DMRT2: variants seen among roughly 807,000 people sequenced by gnomAD.
DMRT2 encodes doublesex and mab-3 related transcription factor 2.
DMRT2 carries 33 observed loss-of-function variants against 43.5 expected under a neutral mutation model. That is an observed-to-expected ratio of 0.76 (90% CI 0.58 to 1.01). The LOEUF (loss-of-function observed/expected upper bound fraction) is 1.01. Among genes scored for constraint, DMRT2 ranks in the 50% least tolerant of loss-of-function variants. DMRT2 has a pLI of 0.00. For synonymous variants in DMRT2, 395 were observed against 309.2 expected, an observed-to-expected ratio of 1.28 and a Z score of -2.91; for missense variants, 1,064 against 748.0, an observed-to-expected ratio of 1.42 and a Z score of -4.93.
chr9:1,050,632 G>T lies in DMRT2; in HGVS notation c.-188G>T. On this transcript the variant is annotated 5_prime_UTR_variant, in exon 1 of 4. Transcript: ENST00000358146. ...CTCCACCATCCAGTGGGTTCGTTCCGGGCCTCCAGCTATCAGCTCCCGATC... is the reference window on the plus strand; with the variant it reads ...CTCCACCATCCAGTGGGTTCGTTCCTGGCCTCCAGCTATCAGCTCCCGATC... 6.6e-6 allele frequency: 1 copy of T among 152,576 alleles called. No homozygotes were observed. Among genetic ancestry groups the T allele is most frequent in the Non-Finnish European group, 1.5e-5 (1 of 68,170 alleles). 9.5% of individuals were successfully genotyped at this position (152,576 alleles called of 1,614,324 possible).
At chr9:1,055,852 CAT>C in intron 3 of DMRT2, 3 of 1,515,538 alleles carry the variant, frequency 2.0e-6, no homozygotes, top group Non-Finnish European at 2.6e-6. Flanking sequence ...AATAATAAAA[CAT>C]TGATTGATAC....
Position 1,057,252 on chromosome 9 carries a change from C to A in DMRT2, c.1665C>A (p.Ala555=). ...VESILKRPSS[A]ITRVSQ ...CTATTCTTAAGAGGCCTTCATCTGC[C>A]ATCACTCGTGTCTCTCAGTGAAAGG... Residue 555 remains alanine, a synonymous_variant, in exon 4 of 4, where the codon GCC becomes GCA. Coordinates refer to ENST00000358146, the MANE Select transcript of DMRT2 (RefSeq NM_181872.6). 1.2e-6 allele frequency: 2 copies of A among 1,611,668 alleles called. No homozygotes were observed. The highest frequency in any genetic ancestry group is 1.7e-6 in the Non-Finnish European group (2 of 1,178,960).
chr9:1,055,593 A>G, intron 3 of DMRT2: 2 of 828,942 alleles, frequency 2.4e-6, no homozygotes, highest in Non-Finnish European at 3.3e-6. Context: ...TAAATTGTTC[A>G]CTGTAGAGTG....
At chr9:1,055,533 T>G (rs1509202) in intron 3 of DMRT2, among the ~76,000 whole-genome samples, 23,774 of 139,610 alleles carry the variant, frequency 0.17, 1,909 homozygotes, top group Non-Finnish European at 0.18. Flanking sequence ...GAGTTTTGTT[T>G]TATTTTATTT....
In DMRT2 at chr9:1,053,668, T is replaced by A. The variant is rs1399144427; in HGVS notation, c.526-54T>A. The A allele has an allele frequency of 4.2e-5, 63 of 1,489,140 alleles. 1 individual carries two copies. Among genetic ancestry groups the A allele is most frequent in the Non-Finnish European group, 5.6e-5 (60 of 1,079,944 alleles). 92.2% of individuals were successfully genotyped at this position (1,489,140 alleles called of 1,614,324 possible). A position where few individuals can be genotyped will look rare whatever the true frequency, so the allele number is the denominator to read the frequency against. On this transcript the variant is annotated intron_variant, in intron 2 of 3. Coordinates refer to ENST00000358146, the MANE Select transcript of DMRT2 (RefSeq NM_181872.6). ...TTACGGACATCCCGTCCTTCCCCCT[T>A]CTCGCCCCCATTTTCTTTCAGGGCA...
Position 1,056,686 on chromosome 9 carries a change from G to A in DMRT2, c.1099G>A (p.Val367Ile). The A allele has an allele frequency of 1.2e-6, 2 of 1,614,162 alleles. No individual in the cohort carries two copies. Among genetic ancestry groups the A allele is most frequent in the South Asian group, 2.2e-5 (2 of 91,078 alleles). Reference sequence around the variant, plus strand: ...ATGCCTGCTAAATGCCACCACCTCAGTTCAAGCCCTGAAGCCTGGGGCCAG... The same window carrying A: ...ATGCCTGCTAAATGCCACCACCTCAATTCAAGCCCTGAAGCCTGGGGCCAG... ...QQCLLNATTSVQALKPGASWD... is the reference protein window; with the variant it reads ...QQCLLNATTSIQALKPGASWD... Residue 367 changes from valine to isoleucine, a missense_variant, in exon 4 of 4, where the codon GTT (valine) becomes ATT (isoleucine). Coordinates refer to ENST00000358146, the MANE Select transcript of DMRT2 (RefSeq NM_181872.6).
chr9:1,052,477 G>A (rs575272141), intron 2 of DMRT2, among the ~76,000 whole-genome samples: 1 of 151,954 alleles, frequency 6.6e-6, no homozygotes, highest in East Asian at 1.9e-4. Flanking sequence ...CGGGGGCTTG[G>A]GGGGAGAGTG....
chr9:1,052,886 C>T (rs1004813504), intron 2 of DMRT2: 1 of 152,316 alleles, frequency 6.6e-6, no homozygotes, highest in African/African-American at 2.4e-5. Context: ...CTCCCAGACT[C>T]AGGACCAGGG....
rs931888410 is a variant in DMRT2 at position 1,057,335 on chromosome 9, C to G, written c.*62C>G. Reference sequence around the variant, plus strand: ...CTTAGAGCATTATAGCCATTTGCTACTTTTTTTAAAAGTTAAGATGTTTGT... The same window carrying G: ...CTTAGAGCATTATAGCCATTTGCTAGTTTTTTTAAAAGTTAAGATGTTTGT... On this transcript the variant is annotated 3_prime_UTR_variant, in exon 4 of 4. Coordinates refer to ENST00000358146, the MANE Select transcript of DMRT2 (RefSeq NM_181872.6). 1.4e-6 allele frequency: 2 copies of G among 1,479,478 alleles called. No homozygotes were observed. The highest frequency in any genetic ancestry group is 9.0e-7 in the Non-Finnish European group (1 of 1,112,936). 91.6% of individuals were successfully genotyped at this position (1,479,478 alleles called of 1,614,324 possible). A position where few individuals can be genotyped will look rare whatever the true frequency, so the allele number is the denominator to read the frequency against.
intron 3 of DMRT2, chr9:1,054,480 G>T (rs1821834679): frequency 6.7e-6 from 1 of 149,638 alleles, no homozygotes; most frequent in South Asian, 2.1e-4. Flanking sequence ...TTTTTTGACA[G>T]TCAAGGTTAT....
At position 1,057,037 on chromosome 9, in the gene DMRT2, G is replaced by A. The variant is rs755113123; in HGVS notation, c.1450G>A (p.Gly484Ser). 1 of 1,614,130 alleles carries A rather than the reference G, an allele frequency of 6.2e-7. No homozygotes were observed. Among genetic ancestry groups the A allele is most frequent in the Non-Finnish European group, 8.5e-7 (1 of 1,180,030 alleles). Residue 484 changes from glycine to serine, a missense_variant, in exon 4 of 4, where the codon GGT becomes AGT. Physicochemically the swap from Gly to Ser is moderately conservative, Grantham distance 56 (BLOSUM62 0). Transcript: ENST00000358146. ...LFQQTLTDKS[G>S]PELKTPFVKE... ...CCAGCAAACACTTACTGACAAATCG[G>A]GTCCTGAGTTGAAAACACCATTTGT...
At position 1,056,328 on chromosome 9, in the gene DMRT2, C is replaced by T. The variant is rs759993378; in HGVS notation, c.741C>T (p.Asn247=). The T allele has an allele frequency of 2.6e-5, 42 of 1,614,054 alleles. No individual in the cohort carries two copies. The Admixed American group carries it at 3.2e-4, about 12-fold the overall frequency. The change falls in exon 4 of 4, where the codon AAC becomes AAT. Residue 247 remains asparagine (N), a synonymous_variant. Coordinates refer to ENST00000358146, the MANE Select transcript of DMRT2 (RefSeq NM_181872.6). ...CCTTTGCTGATAAAGAGTTGGAGAA[C>T]ATTATGCTGGAGAGAGAATATAAAG... ...RRAFADKELE[N]IMLEREYKER... is the part of the protein sequence containing the mutation.
chr9:1,057,373 C>G lies in DMRT2; in HGVS notation c.*100C>G. 4 of 1,363,164 alleles carry G rather than the reference C, an allele frequency of 2.9e-6. No homozygotes were observed. The highest frequency in any genetic ancestry group is 1.6e-5 in the South Asian group (1 of 63,132). The allele number at this position is 1,363,164 out of a possible 1,614,324, so 84.4% of individuals were successfully genotyped here. A position where few individuals can be genotyped will look rare whatever the true frequency, so the allele number is the denominator to read the frequency against. Reference sequence around the variant, plus strand: ...TTAAGATGTTTGTGTAAAGAAATTTCTAATGTAAAGATGATGATTTTGAAA... The same window carrying G: ...TTAAGATGTTTGTGTAAAGAAATTTGTAATGTAAAGATGATGATTTTGAAA... On this transcript the variant is annotated 3_prime_UTR_variant, in exon 4 of 4. Transcript: ENST00000358146.
chr9:1,051,555 T>A lies in DMRT2; in HGVS notation c.-44-15T>A. 1 of 1,449,902 alleles carries A rather than the reference T, an allele frequency of 6.9e-7. No homozygotes were observed. Among genetic ancestry groups the A allele is most frequent in the Non-Finnish European group, 9.0e-7 (1 of 1,111,744 alleles). The allele number at this position is 1,449,902 out of a possible 1,614,324, so 89.8% of individuals were successfully genotyped here. A position where few individuals can be genotyped will look rare whatever the true frequency, so the allele number is the denominator to read the frequency against. On this transcript the variant is annotated splice_polypyrimidine_tract_variant and intron_variant, in intron 1 of 3. Transcript: ENST00000358146. The surrounding 1 kb of genome is among the most constrained non-coding windows in gnomAD (Gnocchi z 5.9). ...GGCGGCCGGTGGGTCTTTGGATTTC[T>A]TTGTGTTTCCCCAGAGTGAGGGCCG...
chr9:1,052,256 T>A, intron 2 of DMRT2, 118 bp downstream of exon 2: 1 of 741,314 alleles, frequency 1.3e-6, no homozygotes, highest in Non-Finnish European at 1.9e-6. Context: ...TGGCACTCCC[T>A]AGGAAGGATG....
intron 3 of DMRT2, among the ~76,000 whole-genome samples, chr9:1,055,514 G>A (rs1474380615): frequency 1.3e-5 from 2 of 151,462 alleles, no homozygotes; most frequent in Non-Finnish European, 2.9e-5. Context: ...AATACTCCCC[G>A]CCTTTTTTGA....
Position 1,057,296 on chromosome 9 carries a change from G to A in DMRT2, c.*23G>A. ...TGAAAGGCTGCTTAAACAGAAAGCTGGATTTTCTGCAGTCTTAGAGCATTA... is the reference window on the plus strand; with the variant it reads ...TGAAAGGCTGCTTAAACAGAAAGCTAGATTTTCTGCAGTCTTAGAGCATTA... On this transcript the variant is annotated 3_prime_UTR_variant, in exon 4 of 4. Transcript: ENST00000358146. 5.1e-6 allele frequency: 8 copies of A among 1,583,336 alleles called. No homozygotes were observed. Among genetic ancestry groups the A allele is most frequent in the Non-Finnish European group, 6.8e-6 (8 of 1,167,890 alleles).
At chr9:1,052,561 G>T (rs113396557) in intron 2 of DMRT2, among the ~76,000 whole-genome samples, 1 of 152,000 alleles carries the variant, frequency 6.6e-6, no homozygotes, top group African/African-American at 2.4e-5. Context: ...AAAGAACCAC[G>T]CAGCACGCAT....
chr9:1,056,041 C>T (rs867910424), intron 3 of DMRT2, 175 bp from the exon 4 acceptor site: 1 of 1,425,260 alleles, frequency 7.0e-7, no homozygotes, highest in Middle Eastern at 2.6e-4. Context: ...TTTCACCCTC[C>T]CAGGAAACTC....
Sources: allele counts gnomAD v4.1 joint callset (sites outside exome capture counted in the v4.1 genomes callset), GRCh38; gene constraint gnomAD v4.1.1; non-coding constraint Gnocchi (gnomAD v3.1); transcripts MANE v1.5; gene names NCBI Gene and HGNC (gene_info 2026-07-23, HGNC 2026-07-21).